Variants in ZNF208 observed in about 807,000 individuals in gnomAD.
ZNF208 encodes the protein zinc finger protein 208, also known as zinc finger protein 95.
Under a neutral mutation model 12.1 loss-of-function variants are expected in ZNF208, and 10 were observed. The observed-to-expected ratio is 0.83, with a 90% confidence interval of 0.51 to 1.40. The LOEUF is 1.40. Ranked by LOEUF, ZNF208 falls within the 40% of genes most tolerant of loss-of-function variation. The pLI is 0.00. For missense variants in ZNF208, 1,652 were observed against 1,485.0 expected (o/e 1.11, Z -1.85); for synonymous variants, 497 against 488.4 (o/e 1.02, Z -0.23).
chr19:21,955,571 A>C (rs904582757), intron 4 of ZNF208, among the ~76,000 whole-genome samples: 1 of 152,004 alleles, frequency 6.6e-6, no homozygotes, highest in African/African-American at 2.4e-5. Flanking sequence ...ACTTCATTTC[A>C]TTAATTTGAT....
intron 1 of ZNF208, among the ~76,000 whole-genome samples, chr19:21,989,912 C>T (rs1458070428): frequency 6.6e-6 from 1 of 152,008 alleles, no homozygotes; most frequent in Non-Finnish European, 1.5e-5. Context: ...TATCCTTTGC[C>T]CACTTTTTGA....
intron 1 of ZNF208, among the ~76,000 whole-genome samples, chr19:22,009,838 C>T (rs1473091567): frequency 3.3e-5 from 5 of 151,946 alleles, no homozygotes; most frequent in Non-Finnish European, 7.4e-5. Context: ...CTATAAACTG[C>T]CAATTAACCT....
At chr19:21,987,727 A>G (rs1970652366) in intron 2 of ZNF208, among the ~76,000 whole-genome samples, 1 of 152,216 alleles carries the variant, frequency 6.6e-6, no homozygotes, top group Non-Finnish European at 1.5e-5. Flanking sequence ...AGTTAAGTTT[A>G]TTCTGCTTCA....
chr19:22,001,128 A>C (rs977729621), intron 1 of ZNF208, among the ~76,000 whole-genome samples: 5 of 152,154 alleles, frequency 3.3e-5, no homozygotes, highest in African/African-American at 1.2e-4. Context: ...ACTACTAAAA[A>C]TACAAAATTA....
chr19:21,957,536 A>T (rs1277611718), intron 4 of ZNF208, among the ~76,000 whole-genome samples: 10 of 152,202 alleles, frequency 6.6e-5, no homozygotes, highest in Admixed American at 4.6e-4. Flanking sequence ...GTGAGTAAAA[A>T]AATGTCACTT....
Position 21,970,565 on chromosome 19 carries a change from G to T in ZNF208, c.*626C>A. On this transcript the variant is annotated 3_prime_UTR_variant, in exon 4 of 4. Coordinates refer to ENST00000397126, the MANE Select transcript of ZNF208 (RefSeq NM_007153.3). Reference sequence around the variant, plus strand: ...TGAATTCTTTTATGAGTAGTAAGGTGTGAGGACCAGTTGAAGTCTTTATCA... The same window carrying T: ...TGAATTCTTTTATGAGTAGTAAGGTTTGAGGACCAGTTGAAGTCTTTATCA... 2.8e-6 allele frequency: 2 copies of T among 709,714 alleles called. No individual in the cohort carries two copies. Among genetic ancestry groups the T allele is most frequent in the Non-Finnish European group, 4.7e-6 (2 of 423,456 alleles). The allele number at this position is 709,714 out of a possible 1,614,324, so 44.0% of individuals were successfully genotyped here. A position where few individuals can be genotyped will look rare whatever the true frequency, so the allele number is the denominator to read the frequency against.
chr19:21,963,271 G>C (rs1970108437), downstream of ZNF208, among the ~76,000 whole-genome samples: 1 of 151,974 alleles, frequency 6.6e-6, no homozygotes, highest in East Asian at 1.9e-4. Flanking sequence ...TCTCATCCAA[G>C]CTTTATGGAA....
At chr19:21,963,489 C>T (rs574282930), downstream of ZNF208, among the ~76,000 whole-genome samples, 22 of 152,062 alleles carry the variant, frequency 1.4e-4, 1 homozygote, top group South Asian at 2.1e-3. Context: ...TTTTAGTATT[C>T]GCTCTGAGTC....
chr19:21,986,871 A>C (rs1970636330), intron 3 of ZNF208: 1 of 398,722 alleles, frequency 2.5e-6, no homozygotes, highest in Non-Finnish European at 4.4e-6. Flanking sequence ...AGAACTTATA[A>C]GATAGTTTAA....
chr19:22,003,734 C>T (rs1019054943), intron 1 of ZNF208, among the ~76,000 whole-genome samples: 15 of 152,086 alleles, frequency 9.9e-5, no homozygotes, highest in Non-Finnish European at 2.1e-4. Context: ...GACCCAGTAA[C>T]CTCACAATTG....
intron 4 of ZNF208, among the ~76,000 whole-genome samples, chr19:21,956,031 CTGTT>C (rs1969970764): frequency 6.7e-6 from 1 of 149,608 alleles, no homozygotes; most frequent in African/African-American, 2.4e-5. Context: ...GATGTCCCTT[CTGTT>C]TGTTAATTTT....
Position 21,988,827 on chromosome 19 carries a change from T to C in ZNF208, c.86A>G (p.Tyr29Cys), listed in dbSNP as rs781291374. Reference protein sequence around the residue: ...QCLDTAQQNLYRNVMLENYRN... With the variant: ...QCLDTAQQNLCRNVMLENYRN... Reference sequence around the variant, plus strand: ...GTAGTTCTCTAACATCACATTTCTATATAAATTCTGCTGTGCAGTGTCCAG... The same window carrying C: ...GTAGTTCTCTAACATCACATTTCTACATAAATTCTGCTGTGCAGTGTCCAG... The change falls in exon 2 of 4, where the codon TAT (tyrosine) becomes TGT (cysteine). Residue 29 changes from tyrosine to cysteine, a missense_variant. Physicochemically the swap from Tyr to Cys is radical, Grantham distance 194. Transcript: ENST00000397126. 1 of 1,614,174 alleles carries C rather than the reference T, an allele frequency of 6.2e-7. No individual in the cohort carries two copies.
chr19:21,986,376 T>G (rs1318995571), intron 3 of ZNF208, among the ~76,000 whole-genome samples: 1 of 152,136 alleles, frequency 6.6e-6, no homozygotes, highest in African/African-American at 2.4e-5. Flanking sequence ...TTAAACTATC[T>G]GATAAAATAG....
intron 1 of ZNF208, among the ~76,000 whole-genome samples, chr19:22,007,442 A>G (rs2145588884): frequency 7.7e-6 from 1 of 130,666 alleles, no homozygotes; most frequent in African/African-American, 2.9e-5. Flanking sequence ...ACCTGGGAGG[A>G]GGAGCTTGCA....
chr19:21,984,517 C>T (rs1970600173), intron 3 of ZNF208, among the ~76,000 whole-genome samples: 1 of 152,150 alleles, frequency 6.6e-6, no homozygotes, highest in Non-Finnish European at 1.5e-5. Flanking sequence ...AATGCCATTG[C>T]ACTCCAGCCT....
intron 3 of ZNF208, among the ~76,000 whole-genome samples, chr19:21,984,621 T>C (rs1970602912): frequency 6.6e-6 from 1 of 152,170 alleles, no homozygotes; most frequent in African/African-American, 2.4e-5. Context: ...GAGCATGCTC[T>C]TATGCAAAGG....
At position 21,972,108 on chromosome 19, in the gene ZNF208, CAT is replaced by C; in HGVS notation, c.2924_2925del (p.Tyr975Ter). The C allele has an allele frequency of 6.2e-7, 1 of 1,612,836 alleles. No homozygotes were observed. Among genetic ancestry groups the C allele is most frequent in the Non-Finnish European group, 8.5e-7 (1 of 1,179,630 alleles). On this transcript the variant is annotated frameshift_variant, in exon 4 of 4. Coordinates refer to ENST00000397126, the MANE Select transcript of ZNF208 (RefSeq NM_007153.3). LOFTEE classifies it low-confidence loss of function (END_TRUNC). ...KIHTEEKPYK[Y>X]EECGKGFSTF... ...GTACTAAAGCCTTTGCCACATTCTTCATATTTGTAAGGTTTCTCTTCAGTATG... is the reference window on the plus strand; with the variant it reads ...GTACTAAAGCCTTTGCCACATTCTTCATTTGTAAGGTTTCTCTTCAGTATG...
intron 4 of ZNF208, among the ~76,000 whole-genome samples, chr19:21,954,868 C>T (rs1969947740): frequency 6.6e-6 from 1 of 151,954 alleles, no homozygotes; most frequent in African/African-American, 2.4e-5. Context: ...TGAATTTGAT[C>T]CTGTCATGGT....
At chr19:21,946,871 G>T (rs1969821235) in intron 4 of ZNF208, among the ~76,000 whole-genome samples, 1 of 151,938 alleles carries the variant, frequency 6.6e-6, no homozygotes, top group South Asian at 2.1e-4. Flanking sequence ...ATACCTCAGT[G>T]TTACCTAAAA....
Sources: gnomAD v4.1 joint callset for allele counts (sites outside exome capture counted in the v4.1 genomes callset) on GRCh38, gnomAD v4.1.1 for gene constraint, MANE v1.5 for transcripts, NCBI Gene and HGNC (gene_info 2026-07-23, HGNC 2026-07-21) for gene names.